CDH8: variants seen among roughly 807,000 people sequenced by gnomAD.
The protein encoded by CDH8 is cadherin-8.
CDH8 carries 17 observed loss-of-function variants against 68.1 expected under a neutral mutation model. The observed-to-expected ratio is 0.25, with a 90% CI of 0.17 to 0.37. The LOEUF (loss-of-function observed/expected upper bound fraction) is 0.37, where lower values mean the gene tolerates loss of function less well. Ranked by LOEUF, CDH8 falls within the 10% of genes least tolerant of loss-of-function variation. The probability of loss-of-function intolerance (pLI) is 1.00; values close to 1 mark genes in which losing one functional copy is unlikely to be tolerated. For missense variants in CDH8, 763 were observed against 999.3 expected, an observed-to-expected ratio of 0.76 and a Z score of 3.19; for synonymous variants, 372 against 365.1, an observed-to-expected ratio of 1.02 and a Z score of -0.21.
At chr16:61,800,818 T>C (rs1219582237) in intron 7 of CDH8, among the ~76,000 whole-genome samples, 1 of 121,028 alleles carries the variant, frequency 8.3e-6, no homozygotes, top group Admixed American at 8.2e-5. Context: ...TCAAATCTGA[T>C]TGTCCTTATC....
chr16:61,804,344 T>G (rs1032922627), intron 7 of CDH8, among the ~76,000 whole-genome samples: 1 of 151,858 alleles, frequency 6.6e-6, no homozygotes, highest in Non-Finnish European at 1.5e-5. Context: ...TTTATAGCAC[T>G]AAATGCCCAC....
chr16:61,794,761 C>A (rs1961458883), intron 7 of CDH8, among the ~76,000 whole-genome samples: 1 of 151,886 alleles, frequency 6.6e-6, no homozygotes, highest in Non-Finnish European at 1.5e-5. Context: ...TTTTTTTCCA[C>A]CAACTTTTCT....
chr16:61,652,568 C>G lies in CDH8; in HGVS notation c.*1040G>C. 9.4e-7 allele frequency: 1 copy of G among 1,062,064 alleles called. No individual in the cohort carries two copies. 65.8% of individuals were successfully genotyped at this position (1,062,064 alleles called of 1,614,324 possible). On this transcript the variant is annotated 3_prime_UTR_variant, in exon 12 of 12. Coordinates refer to ENST00000577390, the MANE Select transcript of CDH8 (RefSeq NM_001796.5). ...TACTCTAAAGAGACTATTAGCTCTC[C>G]TTTCGATAATATTGCCTGCCATACT... is the stretch of plus-strand genomic sequence containing the variant.
intron 2 of CDH8, among the ~76,000 whole-genome samples, chr16:61,949,600 A>G (rs1375005308): frequency 2.0e-5 from 3 of 152,074 alleles, no homozygotes; most frequent in African/African-American, 7.2e-5. Flanking sequence ...GAAGTCAACA[A>G]GACCGAGAAC....
At chr16:61,974,842 A>C (rs1206539977) in intron 2 of CDH8, among the ~76,000 whole-genome samples, 1 of 152,112 alleles carries the variant, frequency 6.6e-6, no homozygotes, top group African/African-American at 2.4e-5. Flanking sequence ...AAGTGCACAG[A>C]ATTTCTCCAA....
At chr16:61,678,855 G>C (rs528227038) in intron 10 of CDH8, among the ~76,000 whole-genome samples, 12 of 151,840 alleles carry the variant, frequency 7.9e-5, no homozygotes, top group Admixed American at 6.6e-4. Flanking sequence ...CTTTATCTTC[G>C]ACCACTTTTC....
chr16:61,875,440 T>C (rs1439828198), intron 3 of CDH8, among the ~76,000 whole-genome samples: 3 of 152,162 alleles, frequency 2.0e-5, no homozygotes, highest in Non-Finnish European at 4.4e-5. Flanking sequence ...TCCGTGTAAT[T>C]CAGACATACA....
chr16:61,842,027 A>G (rs981168966), intron 4 of CDH8, among the ~76,000 whole-genome samples: 2 of 148,738 alleles, frequency 1.3e-5, no homozygotes, highest in African/African-American at 5.0e-5. Flanking sequence ...AGCTGGGACT[A>G]CAGTTGCCTG....
chr16:62,023,336 GAT>G (rs1902118987), intron 1 of CDH8, among the ~76,000 whole-genome samples: 1 of 152,050 alleles, frequency 6.6e-6, no homozygotes. Flanking sequence ...TCTGGAAACA[GAT>G]ACACCTGGGT....
At chr16:61,771,472 CAA>C (rs11355312) in intron 8 of CDH8, among the ~76,000 whole-genome samples, 3,302 of 62,288 alleles carry the variant, frequency 0.053, 147 homozygotes, top group East Asian at 0.35. Context: ...AAAAGCCAGC[CAA>C]AAAAAAAAAA....
intron 10 of CDH8, among the ~76,000 whole-genome samples, chr16:61,668,886 A>C (rs1963734196): frequency 6.6e-6 from 1 of 152,060 alleles, no homozygotes; most frequent in African/African-American, 2.4e-5. Context: ...GAGCTTATAA[A>C]TGTGTGCTCA....
At chr16:61,869,097 T>C (rs965843135) in intron 3 of CDH8, among the ~76,000 whole-genome samples, 31 of 152,220 alleles carry the variant, frequency 2.0e-4, no homozygotes, top group Admixed American at 4.6e-4. Flanking sequence ...TTATTCAACA[T>C]ATTCCTTCAT....
intron 2 of CDH8, among the ~76,000 whole-genome samples, chr16:61,937,290 A>T (rs1964642376): frequency 6.6e-6 from 1 of 152,160 alleles, no homozygotes; most frequent in South Asian, 2.1e-4. Flanking sequence ...AGAGTTGCTT[A>T]CTATAGCATG....
chr16:61,868,302 A>G (rs568807144), intron 3 of CDH8, among the ~76,000 whole-genome samples: 2 of 152,346 alleles, frequency 1.3e-5, no homozygotes, highest in South Asian at 4.1e-4. Context: ...AATGCTTTGC[A>G]TAGAAATATT....
chr16:61,972,809 C>T (rs78384491), intron 2 of CDH8, among the ~76,000 whole-genome samples: 1,781 of 152,092 alleles, frequency 0.012, 45 homozygotes, highest in African/African-American at 0.041. Flanking sequence ...CTGTAGGTGC[C>T]AGCAACTATT....
At chr16:61,759,765 C>T (rs977538529) in intron 8 of CDH8, among the ~76,000 whole-genome samples, 1 of 152,038 alleles carries the variant, frequency 6.6e-6, no homozygotes, top group African/African-American at 2.4e-5. Context: ...TATTTTGTGG[C>T]CAAAGGTCAA....
chr16:61,981,777 T>C (rs185847555), intron 2 of CDH8, among the ~76,000 whole-genome samples: 1 of 152,184 alleles, frequency 6.6e-6, no homozygotes, highest in African/African-American at 2.4e-5. Context: ...ATCCAGGAAA[T>C]GGACAGTAAT....
intron 8 of CDH8, among the ~76,000 whole-genome samples, chr16:61,764,995 G>C (rs17822834): frequency 0.14 from 21,566 of 151,942 alleles, 1,846 homozygotes; most frequent in Middle Eastern, 0.21. Flanking sequence ...ACATACCTCA[G>C]AGAGATGTTT....
chr16:61,850,264 G>T (rs1014200732), intron 4 of CDH8, among the ~76,000 whole-genome samples: 19 of 151,962 alleles, frequency 1.3e-4, no homozygotes, highest in Admixed American at 1.0e-3. Context: ...GAGGTGCCAG[G>T]CTCCCTTAAA....
Sources: gnomAD v4.1 joint callset for allele counts (sites outside exome capture counted in the v4.1 genomes callset) on GRCh38, gnomAD v4.1.1 for gene constraint, MANE v1.5 for transcripts, NCBI Gene and HGNC (gene_info 2026-07-23, HGNC 2026-07-21) for gene names.